The following CMSS1 variants were observed in gnomAD, a reference collection of about 807,000 sequenced individuals.
CMSS1 encodes the protein protein CMSS1.
In CMSS1, 33 loss-of-function variants were observed where a neutral mutation model predicts 43.5. That is an observed-to-expected ratio of 0.76 (90% confidence interval 0.57 to 1.01). The LOEUF (loss-of-function observed/expected upper bound fraction) is 1.01. Among genes scored for constraint, CMSS1 ranks in the 50% least tolerant of loss-of-function variants. The probability of loss-of-function intolerance (pLI) is 0.00; values close to 1 mark genes in which losing one functional copy is unlikely to be tolerated. For missense variants in CMSS1, 313 were observed against 326.4 expected (o/e 0.96, Z 0.32); for synonymous variants, 115 against 117.2 (o/e 0.98, Z 0.12).
chr3:100,147,830 C>G (rs1484412003), intron 2 of CMSS1, among the ~76,000 whole-genome samples: 1 of 152,182 alleles, frequency 6.6e-6, no homozygotes, highest in Non-Finnish European at 1.5e-5. Context: ...GATTCGTGGT[C>G]TTTGCCATTA....
chr3:99,934,385 C>G (rs539104095), intron 1 of CMSS1, among the ~76,000 whole-genome samples: 1 of 152,270 alleles, frequency 6.6e-6, no homozygotes, highest in South Asian at 2.1e-4. Context: ...ATATTTGGTT[C>G]TTTACTTCTT....
At chr3:99,932,573 A>G (rs1251530417) in intron 1 of CMSS1, among the ~76,000 whole-genome samples, 1 of 152,172 alleles carries the variant, frequency 6.6e-6, no homozygotes, top group Non-Finnish European at 1.5e-5. Flanking sequence ...TCTGTCACAA[A>G]TCAGCTGTGG....
intron 1 of CMSS1, among the ~76,000 whole-genome samples, chr3:100,144,131 T>A (rs2066827606): frequency 6.6e-6 from 1 of 152,216 alleles, no homozygotes; most frequent in Non-Finnish European, 1.5e-5. Flanking sequence ...TCACTAATTT[T>A]TCCATCTCTG....
rs2067076975 is a variant in CMSS1, at chr3:100,167,772, C to G, written c.450C>G (p.His150Gln). The G allele has an allele frequency of 6.2e-7, 1 of 1,613,082 alleles. No individual in the cohort carries two copies. Among genetic ancestry groups the G allele is most frequent in the East Asian group, 2.2e-5 (1 of 44,860 alleles). ...AGTGGGTAAAACTTAGGAAGAACCACAGTGAGAAGAAATCGGTCCTGATGC... is the reference window on the plus strand; with the variant it reads ...AGTGGGTAAAACTTAGGAAGAACCAGAGTGAGAAGAAATCGGTCCTGATGC... ...CPKWVKLRKN[H>Q]SEKKSVLMLI... Residue 150 changes from histidine (H) to glutamine (Q), a missense_variant, in exon 6 of 10, where the codon CAC becomes CAG. Transcript: ENST00000421999.
chr3:99,900,884 C>G (rs1258093684), intron 1 of CMSS1, among the ~76,000 whole-genome samples: 2 of 152,154 alleles, frequency 1.3e-5, no homozygotes, highest in Non-Finnish European at 2.9e-5. Context: ...AAGCACTGAT[C>G]TAAAGGAAAA....
intron 1 of CMSS1, among the ~76,000 whole-genome samples, chr3:99,996,818 C>T (rs993729732): frequency 2.6e-5 from 4 of 151,760 alleles, no homozygotes; most frequent in African/African-American, 4.8e-5. Flanking sequence ...TATCTCCCAC[C>T]GAGTCCCTCC....
At chr3:99,842,646 G>A (rs1943189949) in intron 1 of CMSS1, among the ~76,000 whole-genome samples, 1 of 152,040 alleles carries the variant, frequency 6.6e-6, no homozygotes, top group Non-Finnish European at 1.5e-5. Flanking sequence ...AATAAGATAA[G>A]TTTTATTTCT....
At chr3:100,078,031 TAAC>T (rs2065876772) in intron 1 of CMSS1, among the ~76,000 whole-genome samples, 1 of 152,064 alleles carries the variant, frequency 6.6e-6, no homozygotes, top group Non-Finnish European at 1.5e-5. Context: ...TTAATTGTAC[TAAC>T]AATATTGAGT....
chr3:99,979,506 G>C (rs1392372419), intron 1 of CMSS1, among the ~76,000 whole-genome samples: 1 of 152,160 alleles, frequency 6.6e-6, no homozygotes, highest in Non-Finnish European at 1.5e-5. Flanking sequence ...TTCATAGGTA[G>C]AAATGGTTTA....
Position 100,136,806 on chromosome 3 carries a change from T to C in CMSS1, c.65-10167T>C, listed in dbSNP as rs556151089. 9.8e-5 allele frequency among the ~76,000 whole-genome samples: 15 copies of C among 152,380 alleles called. No individual in the cohort carries two copies. In the East Asian group the frequency reaches 2.9e-3, roughly 29 times the overall value. Reference sequence around the variant, plus strand: ...ATGATTATTTGATCATGTGGCCTAATTGACTATAAACCCTTCTTTTCTAGT... The same window carrying C: ...ATGATTATTTGATCATGTGGCCTAACTGACTATAAACCCTTCTTTTCTAGT... On this transcript the variant is annotated intron_variant, in intron 1 of 9. Transcript: ENST00000421999.
intron 1 of CMSS1, among the ~76,000 whole-genome samples, chr3:99,880,326 T>C (rs1413294172): frequency 6.6e-6 from 1 of 152,198 alleles, no homozygotes; most frequent in Non-Finnish European, 1.5e-5. Flanking sequence ...GCACTTAAAC[T>C]GTACTTAAAA....
intron 1 of CMSS1, among the ~76,000 whole-genome samples, chr3:99,957,681 TTTTC>T (rs1553700126): frequency 2.1e-5 from 3 of 143,206 alleles, no homozygotes; most frequent in Non-Finnish European, 4.6e-5. Flanking sequence ...TCCTTTTCTC[TTTTC>T]TTTCTTTCTT....
intron 1 of CMSS1, among the ~76,000 whole-genome samples, chr3:100,033,174 GC>G (rs1206516950): frequency 6.6e-6 from 1 of 151,980 alleles, no homozygotes; most frequent in Non-Finnish European, 1.5e-5. Flanking sequence ...AATTATTTTG[GC>G]CCCTTAAAAC....
Position 100,030,673 on chromosome 3 carries a change from A to G in CMSS1, c.65-116300A>G, listed in dbSNP as rs146823493. Among the ~76,000 whole-genome samples the G allele has an allele frequency of 4.5e-3, 690 of 152,246 alleles. 7 individuals are homozygous for G. Among genetic ancestry groups the G allele is most frequent in the African/African-American group, 0.016 (674 of 41,540 alleles). On this transcript the variant is annotated intron_variant, in intron 1 of 9. Coordinates refer to ENST00000421999, the MANE Select transcript of CMSS1 (RefSeq NM_032359.4). Reference sequence around the variant, plus strand: ...GTCCCCACAACTAATTTAACCTTCTACATTAAACCAGTATCCAATAACTGC... The same window carrying G: ...GTCCCCACAACTAATTTAACCTTCTGCATTAAACCAGTATCCAATAACTGC...
chr3:99,926,145 A>G (rs1707286746), intron 1 of CMSS1, among the ~76,000 whole-genome samples: 1 of 152,240 alleles, frequency 6.6e-6, no homozygotes, highest in African/African-American at 2.4e-5. Flanking sequence ...AAAAGCATGT[A>G]CTTGACTAGA....
At chr3:100,036,717 GA>G (rs1214691051) in intron 1 of CMSS1, among the ~76,000 whole-genome samples, 3 of 152,118 alleles carry the variant, frequency 2.0e-5, no homozygotes, top group Admixed American at 6.5e-5. Context: ...ATATCTCAAA[GA>G]ATTTTCCACA....
intron 1 of CMSS1, among the ~76,000 whole-genome samples, chr3:100,142,906 C>T (rs755554971): frequency 1.1e-4 from 16 of 152,158 alleles, no homozygotes; most frequent in Non-Finnish European, 2.2e-4. Flanking sequence ...CATATGTACC[C>T]TCAGAGAGTT....
chr3:100,163,638 G>A (rs2067043919), intron 4 of CMSS1, among the ~76,000 whole-genome samples: 1 of 152,170 alleles, frequency 6.6e-6, no homozygotes, highest in Non-Finnish European at 1.5e-5. Context: ...CTGGGCTTAA[G>A]TGGATCCTCT....
intron 1 of CMSS1, among the ~76,000 whole-genome samples, chr3:100,099,413 A>T (rs780739541): frequency 1.3e-5 from 2 of 152,212 alleles, no homozygotes; most frequent in Non-Finnish European, 2.9e-5. Flanking sequence ...AGATTTTATA[A>T]GAAACAAGTA....
Sources: allele counts gnomAD v4.1 joint callset (sites outside exome capture counted in the v4.1 genomes callset), GRCh38; gene constraint gnomAD v4.1.1; transcripts MANE v1.5; gene names NCBI Gene and HGNC (gene_info 2026-07-23, HGNC 2026-07-21).